The following NSUN6 variants were observed in gnomAD, a reference collection of about 807,000 sequenced individuals.
The protein encoded by NSUN6 is tRNA (cytosine(72)-C(5))-methyltransferase NSUN6.
In NSUN6, 64 loss-of-function variants were observed where a neutral mutation model predicts 58.0. That is an observed-to-expected ratio of 1.10 (90% confidence interval 0.90 to 1.36). The LOEUF (loss-of-function observed/expected upper bound fraction) is 1.36, where lower values mean the gene tolerates loss of function less well. Ranked by LOEUF, NSUN6 falls within the 40% of genes most tolerant of loss-of-function variation. NSUN6 has a pLI of 0.00. For missense variants in NSUN6, 701 were observed against 550.1 expected (o/e 1.27, Z -2.74); for synonymous variants, 231 against 193.9 (o/e 1.19, Z -1.59).
chr10:18,557,113 G>A (rs1342789959), intron 8 of NSUN6, among the ~76,000 whole-genome samples: 1 of 151,316 alleles, frequency 6.6e-6, no homozygotes, highest in Non-Finnish European at 1.5e-5. Flanking sequence ...TGTGCAGAAT[G>A]GAATGGAAAG....
intron 3 of NSUN6, among the ~76,000 whole-genome samples, chr10:18,617,933 G>A (rs1375721874): frequency 2.0e-5 from 3 of 152,122 alleles, no homozygotes; most frequent in Non-Finnish European, 4.4e-5. Context: ...CAAATGCCTC[G>A]ATCTTGGACT....
intron 3 of NSUN6, among the ~76,000 whole-genome samples, chr10:18,634,804 A>AGAAAAAGATCAGTGAATGGAGTT (rs2059158346): frequency 3.3e-5 from 5 of 152,002 alleles, no homozygotes; most frequent in African/African-American, 1.2e-4. Flanking sequence ...CGAATGCAGA[A>AGAAAAAGATCAGTGAATGGAGTT]GAAAAAGATC....
chr10:18,657,804 G>T (rs961614801), upstream of NSUN6, among the ~76,000 whole-genome samples: 2 of 151,910 alleles, frequency 1.3e-5, no homozygotes, highest in African/African-American at 4.8e-5. Flanking sequence ...AGTAGAGACA[G>T]GGTTTCACCA....
At chr10:18,568,671 A>G (rs1265060159) in intron 8 of NSUN6, among the ~76,000 whole-genome samples, 2 of 149,270 alleles carry the variant, frequency 1.3e-5, no homozygotes, top group Non-Finnish European at 3.0e-5. Context: ...ATTCACTTCC[A>G]TTCCATTCTG....
chr10:18,601,180 C>T (rs1293268639), intron 6 of NSUN6, among the ~76,000 whole-genome samples: 1 of 151,290 alleles, frequency 6.6e-6, no homozygotes, highest in Admixed American at 6.6e-5. Flanking sequence ...ATTCAAAGTG[C>T]CTAGCACAAA....
intron 8 of NSUN6, among the ~76,000 whole-genome samples, chr10:18,556,184 G>A (rs143238933): frequency 3.3e-5 from 5 of 151,198 alleles, no homozygotes; most frequent in African/African-American, 4.8e-5. Context: ...AATGCAGAGT[G>A]GAATGGAATG....
chr10:18,616,050 A>C, intron 4 of NSUN6, 134 bp downstream of exon 4: 1 of 607,958 alleles, frequency 1.6e-6, no homozygotes, highest in South Asian at 2.0e-5. Flanking sequence ...ATAAAACCCT[A>C]AATGCAAAGC....
At chr10:18,627,976 C>T (rs2058882947) in intron 3 of NSUN6, among the ~76,000 whole-genome samples, 1 of 152,242 alleles carries the variant, frequency 6.6e-6, no homozygotes, top group Admixed American at 6.5e-5. Flanking sequence ...AACAAATAGA[C>T]AGCAGTAACC....
At chr10:18,595,794 GTA>G (rs1434836840) in intron 7 of NSUN6, among the ~76,000 whole-genome samples, 3 of 152,020 alleles carry the variant, frequency 2.0e-5, no homozygotes, top group African/African-American at 4.8e-5. Context: ...ATATGTATGT[GTA>G]TATGTTTATG....
chr10:18,642,970 T>G (rs755783174), intron 2 of NSUN6, among the ~76,000 whole-genome samples: 25 of 152,044 alleles, frequency 1.6e-4, no homozygotes, highest in South Asian at 4.1e-4. Flanking sequence ...CATGTCAGCT[T>G]TGGTGAGGAA....
Position 18,648,486 on chromosome 10 carries a change from A to T in NSUN6, c.231+4T>A. ...TGTACAAATGACAGAAAATTTCCAC[A>T]AACCTTCTGAAGTTCATCAAGTAAC... On this transcript the variant is annotated splice_donor_region_variant and intron_variant, in intron 2 of 10. Transcript: ENST00000377304. 1 of 1,585,210 alleles carries T rather than the reference A, an allele frequency of 6.3e-7. No individual in the cohort carries two copies. The highest frequency in any genetic ancestry group is 8.6e-7 in the Non-Finnish European group (1 of 1,161,248).
chr10:18,562,246 G>T (rs2055569597), intron 8 of NSUN6, among the ~76,000 whole-genome samples: 2 of 151,188 alleles, frequency 1.3e-5, no homozygotes, highest in African/African-American at 4.9e-5. Flanking sequence ...GAATGGAATG[G>T]ATTGGACAGG....
At chr10:18,638,397 G>C (rs550660651) in intron 3 of NSUN6, among the ~76,000 whole-genome samples, 1 of 152,048 alleles carries the variant, frequency 6.6e-6, no homozygotes, top group Non-Finnish European at 1.5e-5. Context: ...AGCCAAGATC[G>C]TGCCACTGCA....
intron 3 of NSUN6, among the ~76,000 whole-genome samples, chr10:18,627,597 G>C (rs1590123946): frequency 6.6e-6 from 1 of 152,204 alleles, no homozygotes; most frequent in Admixed American, 6.5e-5. Flanking sequence ...TGCCTCACTC[G>C]GGAAGCACAA....
At chr10:18,639,749 T>G (rs1463218644) in intron 3 of NSUN6, among the ~76,000 whole-genome samples, 1 of 152,192 alleles carries the variant, frequency 6.6e-6, no homozygotes, top group Non-Finnish European at 1.5e-5. Flanking sequence ...TGAAAATAAT[T>G]AAAGTTAAAT....
chr10:18,597,347 CAG>C (rs1437290715), intron 6 of NSUN6, among the ~76,000 whole-genome samples: 1 of 152,292 alleles, frequency 6.6e-6, no homozygotes, highest in South Asian at 2.1e-4. Context: ...ATTTTGGAGA[CAG>C]AGTCTCATTA....
intron 3 of NSUN6, among the ~76,000 whole-genome samples, chr10:18,629,098 T>G (rs1338953241): frequency 6.6e-6 from 1 of 152,146 alleles, no homozygotes; most frequent in African/African-American, 2.4e-5. Flanking sequence ...GGGGCAAATA[T>G]TCAACATTCT....
At chr10:18,636,420 G>A (rs1172701046) in intron 3 of NSUN6, among the ~76,000 whole-genome samples, 1 of 150,448 alleles carries the variant, frequency 6.6e-6, no homozygotes, top group Non-Finnish European at 1.5e-5. Flanking sequence ...TAGCACTTTG[G>A]GAGGCCAAGG....
chr10:18,630,159 G>A (rs1213733919), intron 3 of NSUN6, among the ~76,000 whole-genome samples: 1 of 136,632 alleles, frequency 7.3e-6, no homozygotes, highest in Admixed American at 7.5e-5. Flanking sequence ...TGACTACTGG[G>A]TACATAACGA....
Sources: gnomAD v4.1 joint callset for allele counts (sites outside exome capture counted in the v4.1 genomes callset) on GRCh38, gnomAD v4.1.1 for gene constraint, MANE v1.5 for transcripts, NCBI Gene and HGNC (gene_info 2026-07-23, HGNC 2026-07-21) for gene names.